EHF: variants seen among roughly 807,000 people sequenced by gnomAD.
EHF encodes ESE3 transcription factor.
In EHF, 14 loss-of-function variants were observed where a neutral mutation model predicts 45.1. The observed-to-expected ratio is 0.31, with a 90% CI of 0.21 to 0.49. EHF has a LOEUF of 0.49. EHF is among the 20% of genes least tolerant of loss of function. The probability of loss-of-function intolerance (pLI) is 0.99; values close to 1 mark genes in which losing one functional copy is unlikely to be tolerated. For missense variants in EHF, 282 were observed against 371.4 expected (o/e 0.76, Z 1.98); for synonymous variants, 136 against 131.8 (o/e 1.03, Z -0.22).
In EHF at chr11:34,651,549, C is replaced by G; in HGVS notation, c.414C>G (p.Ser138=). Residue 138 remains serine (S), a synonymous_variant, in exon 5 of 9, where the codon TCC becomes TCG. Coordinates refer to ENST00000257831, the MANE Select transcript of EHF (RefSeq NM_012153.6). Reference sequence around the variant, plus strand: ...CTTCTCTATTTTTTGTAGAGCCTTCCATCATGAACACCTGGAAAGACGAGA... The same window carrying G: ...CTTCTCTATTTTTTGTAGAGCCTTCGATCATGAACACCTGGAAAGACGAGA... The part of the protein sequence containing the change: ...VIVKTEQTEP[S]IMNTWKDENY... The G allele has an allele frequency of 6.2e-7, 1 of 1,613,582 alleles. No homozygotes were observed. Among genetic ancestry groups the G allele is most frequent in the South Asian group, 1.1e-5 (1 of 91,068 alleles).
At chr11:34,652,087 T>C (rs139854179) in intron 6 of EHF, among the ~76,000 whole-genome samples, 115 of 152,346 alleles carry the variant, frequency 7.5e-4, no homozygotes, top group African/African-American at 2.5e-3. Context: ...CAATGAAAAC[T>C]TACTCTTGCA....
intron 1 of EHF, among the ~76,000 whole-genome samples, chr11:34,627,493 T>A (rs1026104118): frequency 1.3e-5 from 2 of 152,160 alleles, no homozygotes; most frequent in Non-Finnish European, 2.9e-5. Flanking sequence ...AGATGTCTAC[T>A]GACCACTGAT....
intron 6 of EHF, 50 bp from the exon 7 acceptor site, chr11:34,656,858 G>A: frequency 6.3e-7 from 1 of 1,590,790 alleles, no homozygotes; most frequent in Non-Finnish European, 8.6e-7. Flanking sequence ...GAATAAAAAA[G>A]AGAATTATAG....
intron 2 of EHF, 74 bp downstream of exon 2, chr11:34,642,801 A>T: frequency 1.8e-6 from 2 of 1,105,900 alleles, no homozygotes; most frequent in Non-Finnish European, 2.7e-6. Context: ...CTCACAACCT[A>T]ATGTTTGAAA....
intron 6 of EHF, among the ~76,000 whole-genome samples, chr11:34,654,951 G>A (rs1855523749): frequency 6.6e-6 from 1 of 152,188 alleles, no homozygotes; most frequent in Non-Finnish European, 1.5e-5. Context: ...GGCCTGCTGG[G>A]TAAATGCCAC....
At chr11:34,642,430 A>G (rs1358914517) in intron 1 of EHF, 198 bp from the exon 2 acceptor site, 4 of 505,068 alleles carry the variant, frequency 7.9e-6, no homozygotes, top group East Asian at 3.2e-5. Flanking sequence ...TGCCTCATGC[A>G]TATGAAAATT....
rs1048643476 is a variant in EHF at position 34,662,857 on chromosome 11, T to C, written c.*3926T>C. 6.6e-6 allele frequency among the ~76,000 whole-genome samples: 1 copy of C among 152,122 alleles called. No homozygotes were observed. The highest frequency in any genetic ancestry group is 1.5e-5 in the Non-Finnish European group (1 of 68,004). ...AGTTACGTATTGGGCAGATACTTAC[T>C]GTATGAATGAAAGAACATCACAGTA... On this transcript the variant is annotated 3_prime_UTR_variant, in exon 9 of 9. Transcript: ENST00000257831.
At chr11:34,633,251 ATATAATAGTAGGTTATC>A (rs1328616025) in intron 1 of EHF, among the ~76,000 whole-genome samples, 1 of 152,220 alleles carries the variant, frequency 6.6e-6, no homozygotes, top group Non-Finnish European at 1.5e-5. Flanking sequence ...TTGGCAAATA[ATATAATAGTAGGTTATC>A]TGCAGATGGA....
intron 1 of EHF, among the ~76,000 whole-genome samples, chr11:34,623,044 G>A (rs1852087917): frequency 6.6e-6 from 1 of 152,034 alleles, no homozygotes; most frequent in Non-Finnish European, 1.5e-5. Context: ...AATTGTATTT[G>A]TTATTTTTTT....
At chr11:34,628,865 C>T (rs555437266) in intron 1 of EHF, among the ~76,000 whole-genome samples, 91 of 152,306 alleles carry the variant, frequency 6.0e-4, no homozygotes, top group Non-Finnish European at 1.0e-3. Context: ...TGCAGTTCCA[C>T]GGGGCCCCAT....
intron 1 of EHF, 98 bp from the exon 2 acceptor site, chr11:34,642,530 C>A (rs1355449193): frequency 9.0e-6 from 7 of 774,576 alleles, no homozygotes; most frequent in Non-Finnish European, 1.3e-5. Flanking sequence ...AGGACAAATT[C>A]TCTTTATTTT....
chr11:34,642,527 A>G (rs1350456922), intron 1 of EHF, 101 bp from the exon 2 acceptor site: 21 of 767,868 alleles, frequency 2.7e-5, no homozygotes, highest in Non-Finnish European at 2.2e-6. Flanking sequence ...GGAAGGACAA[A>G]TTCTCTTTAT....
intron 4 of EHF, among the ~76,000 whole-genome samples, chr11:34,650,123 C>A (rs967827316): frequency 1.3e-5 from 2 of 152,168 alleles, no homozygotes; most frequent in Non-Finnish European, 2.9e-5. Context: ...GGATGGCACC[C>A]CCTCCCCTGC....
At chr11:34,622,612 T>C (rs1852058996) in intron 1 of EHF, among the ~76,000 whole-genome samples, 1 of 152,226 alleles carries the variant, frequency 6.6e-6, no homozygotes, top group Non-Finnish European at 1.5e-5. Context: ...ATGACTTTAA[T>C]AGCTGCATTT....
intron 2 of EHF, among the ~76,000 whole-genome samples, 154 bp downstream of exon 2, chr11:34,642,881 C>T (rs531459124): frequency 6.6e-6 from 1 of 152,296 alleles, no homozygotes; most frequent in South Asian, 2.1e-4. Flanking sequence ...GAGTTCCCTA[C>T]CAGCCCCCAG....
intron 1 of EHF, among the ~76,000 whole-genome samples, chr11:34,636,127 A>G (rs1338387325): frequency 2.0e-5 from 3 of 152,226 alleles, no homozygotes; most frequent in African/African-American, 7.2e-5. Flanking sequence ...TCAATAAAAT[A>G]AAAACTACAA....
At chr11:34,647,106 A>C (rs1854642755) in intron 3 of EHF, among the ~76,000 whole-genome samples, 1 of 150,200 alleles carries the variant, frequency 6.7e-6, no homozygotes, top group Admixed American at 6.6e-5. Flanking sequence ...CACACACACA[A>C]AGAACCTTCT....
At chr11:34,631,023 A>T (rs1309148935) in intron 1 of EHF, among the ~76,000 whole-genome samples, 3 of 152,078 alleles carry the variant, frequency 2.0e-5, no homozygotes, top group East Asian at 1.9e-4. Context: ...GAGATATTAT[A>T]TTATTTTATT....
chr11:34,629,938 C>A (rs555846866), intron 1 of EHF, among the ~76,000 whole-genome samples: 15 of 152,268 alleles, frequency 9.9e-5, no homozygotes, highest in African/African-American at 3.6e-4. Flanking sequence ...CCAGTCCTAA[C>A]CCCTGAGTCA....
Sources: allele counts gnomAD v4.1 joint callset (sites outside exome capture counted in the v4.1 genomes callset), GRCh38; gene constraint gnomAD v4.1.1; transcripts MANE v1.5; gene names NCBI Gene and HGNC (gene_info 2026-07-23, HGNC 2026-07-21).